Variants in ADRA1B observed in about 807,000 individuals in gnomAD.
The protein encoded by ADRA1B is alpha-1B adrenergic receptor.
Under a neutral mutation model 17.9 loss-of-function variants are expected in ADRA1B, and 17 were observed. That is an observed-to-expected ratio of 0.95 (90% CI 0.65 to 1.42). The LOEUF (loss-of-function observed/expected upper bound fraction) is 1.42. Ranked by LOEUF, ADRA1B falls within the 40% of genes most tolerant of loss-of-function variation. The probability of loss-of-function intolerance (pLI) is 0.00; values close to 1 mark genes in which losing one functional copy is unlikely to be tolerated. For missense variants in ADRA1B, 681 were observed against 722.1 expected, an observed-to-expected ratio of 0.94 and a Z score of 0.65; for synonymous variants, 366 against 327.6, an observed-to-expected ratio of 1.12 and a Z score of -1.27.
chr5:159,908,116 G>A (rs1290867933), intron 1 of ADRA1B, among the ~76,000 whole-genome samples: 2 of 152,170 alleles, frequency 1.3e-5, no homozygotes, highest in Admixed American at 1.3e-4. Flanking sequence ...TCCCCAGGAA[G>A]TGTTAGGAGG....
intron 1 of ADRA1B, among the ~76,000 whole-genome samples, chr5:159,909,645 T>C (rs552094260): frequency 3.9e-5 from 6 of 152,378 alleles, no homozygotes; most frequent in Admixed American, 2.6e-4. Flanking sequence ...GTTATTTATC[T>C]TAGACTGTAA....
the ADRA1B span, among the ~76,000 whole-genome samples, chr5:159,980,945 A>T: frequency 2.3e-4 from 35 of 150,634 alleles, no homozygotes; most frequent in African/African-American, 8.6e-4. Context: ...AAAAAAAACC[A>T]GAAGAAAACA....
intron 1 of ADRA1B, chr5:159,955,163 C>A: frequency 2.0e-6 from 2 of 985,350 alleles, no homozygotes; most frequent in Non-Finnish European, 2.4e-6. Context: ...AGACAAGACA[C>A]CCTGGAGATG....
the ADRA1B span, among the ~76,000 whole-genome samples, chr5:159,981,472 T>G: frequency 6.6e-6 from 1 of 152,136 alleles, no homozygotes; most frequent in Non-Finnish European, 1.5e-5. Flanking sequence ...TAGTTCCCAT[T>G]TTGTATTATT....
chr5:159,897,416 G>A (rs1412375225), intron 1 of ADRA1B, among the ~76,000 whole-genome samples: 2 of 152,068 alleles, frequency 1.3e-5, no homozygotes, highest in African/African-American at 2.4e-5. Flanking sequence ...AACCTGGGCA[G>A]CAGAGGTTGC....
At chr5:159,924,955 T>C (rs1326802237) in intron 1 of ADRA1B, among the ~76,000 whole-genome samples, 2 of 152,222 alleles carry the variant, frequency 1.3e-5, no homozygotes, top group Admixed American at 6.5e-5. Context: ...TCTTTCTCTG[T>C]ATTCCCTCAT....
chr5:159,914,828 G>A (rs1440198942), upstream of ADRA1B, among the ~76,000 whole-genome samples: 1 of 152,192 alleles, frequency 6.6e-6, no homozygotes, highest in Non-Finnish European at 1.5e-5. Flanking sequence ...CAGAAGGTGA[G>A]AAACCCAAGA....
intron 1 of ADRA1B, among the ~76,000 whole-genome samples, chr5:159,945,892 C>G (rs570493466): frequency 4.6e-5 from 7 of 151,934 alleles, no homozygotes; most frequent in African/African-American, 1.5e-4. Context: ...GGACTACAGG[C>G]GCCCGCCACC....
chr5:159,937,865 A>G (rs1173767859), intron 1 of ADRA1B: 2 of 152,318 alleles, frequency 1.3e-5, no homozygotes, highest in African/African-American at 2.4e-5. Context: ...AGCCCTGTCA[A>G]GTTTGTCTTT....
chr5:159,886,983 A>AGAT (rs1266313466), intron 1 of ADRA1B, among the ~76,000 whole-genome samples: 1 of 152,154 alleles, frequency 6.6e-6, no homozygotes, highest in Non-Finnish European at 1.5e-5. Flanking sequence ...TTGACTTCAA[A>AGAT]GATGATGATG....
At position 159,893,329 on chromosome 5, in the gene ADRA1B, C is replaced by T. The variant is rs567016467; in HGVS notation, c.-255-22790C>T. On this transcript the variant is annotated intron_variant, in intron 1 of 2. Coordinates refer to the ADRA1B transcript ENST00000641205. ...TGAGTTACTTCACCTCTCTGTAAAG[C>T]GGGAATAAAACAATTAAATGAGATA... is the stretch of plus-strand genomic sequence containing the variant. Among the ~76,000 whole-genome samples the T allele has an allele frequency of 1.9e-3, 35 of 18,026 alleles. No individual in the cohort carries two copies. In the African/African-American group the frequency reaches 0.02, roughly 10 times the overall value. The allele number at this position is 18,026 out of a possible 152,430, so 11.8% of individuals were successfully genotyped here. A position where few individuals can be genotyped will look rare whatever the true frequency, so the allele number is the denominator to read the frequency against.
the ADRA1B span, among the ~76,000 whole-genome samples, chr5:159,978,575 G>A: frequency 1.0e-3 from 157 of 152,302 alleles, 1 homozygote; most frequent in African/African-American, 3.5e-3. Flanking sequence ...TACTAAGCCA[G>A]AGACAATAGC....
intron 1 of ADRA1B, among the ~76,000 whole-genome samples, chr5:159,967,974 G>C (rs1055068673): frequency 6.6e-6 from 1 of 152,176 alleles, no homozygotes; most frequent in Non-Finnish European, 1.5e-5. Flanking sequence ...TAGGGGGAAA[G>C]TAAAATTTAT....
chr5:159,888,521 A>G (rs539835441), intron 1 of ADRA1B: 81 of 152,356 alleles, frequency 5.3e-4, no homozygotes, highest in African/African-American at 1.8e-3. Context: ...GAGTCTAGTC[A>G]GGAAGCAAGA....
chr5:159,887,605 A>T (rs1380587691), intron 1 of ADRA1B, among the ~76,000 whole-genome samples: 4 of 152,242 alleles, frequency 2.6e-5, no homozygotes, highest in African/African-American at 4.8e-5. Flanking sequence ...GGCCATGTTT[A>T]GACTACCGTT....
intron 1 of ADRA1B, among the ~76,000 whole-genome samples, chr5:159,945,972 C>T (rs1442853939): frequency 6.6e-6 from 1 of 152,160 alleles, no homozygotes; most frequent in Admixed American, 6.5e-5. Flanking sequence ...TGGTCTTGAT[C>T]TTCTGACCTC....
At chr5:159,908,406 G>A (rs979158968) in intron 1 of ADRA1B, among the ~76,000 whole-genome samples, 4 of 152,164 alleles carry the variant, frequency 2.6e-5, no homozygotes, top group African/African-American at 9.7e-5. Flanking sequence ...CTGGTGGGAG[G>A]TGTTCGGATT....
intron 1 of ADRA1B, among the ~76,000 whole-genome samples, chr5:159,943,348 T>C (rs1211900042): frequency 6.6e-6 from 1 of 152,196 alleles, no homozygotes; most frequent in Non-Finnish European, 1.5e-5. Flanking sequence ...ACTTTTTCTG[T>C]TTGTAAATCG....
intron 1 of ADRA1B, among the ~76,000 whole-genome samples, chr5:159,897,713 G>A (rs1754054606): frequency 6.6e-6 from 1 of 152,172 alleles, no homozygotes; most frequent in South Asian, 2.1e-4. Flanking sequence ...GTAAACATGT[G>A]AGTCAAGATG....
Sources: gnomAD v4.1 joint callset for allele counts (sites outside exome capture counted in the v4.1 genomes callset) on GRCh38, gnomAD v4.1.1 for gene constraint, MANE v1.5 for transcripts, NCBI Gene and HGNC (gene_info 2026-07-23, HGNC 2026-07-21) for gene names.